The following LIMA1 variants were observed in gnomAD, a reference collection of about 807,000 sequenced individuals.
The protein encoded by LIMA1 is LIM domain and actin binding 1, also known as LIM domain and actin-binding protein 1.
A neutral mutation model predicts 62.6 loss-of-function variants in LIMA1; 52 were observed. The ratio of observed to expected loss-of-function variants is 0.83; its 90% CI spans 0.67 to 1.05. The LOEUF (loss-of-function observed/expected upper bound fraction) is 1.05. Among genes scored for constraint, LIMA1 ranks in the 50% least tolerant of loss-of-function variants. The pLI is 0.00. For synonymous variants in LIMA1, 302 were observed against 317.8 expected (o/e 0.95, Z 0.53); for missense variants, 780 against 902.2 (o/e 0.86, Z 1.74).
intron 2 of LIMA1, among the ~76,000 whole-genome samples, chr12:50,233,129 C>A (rs1455040772): frequency 6.6e-6 from 1 of 152,164 alleles, no homozygotes; most frequent in Non-Finnish European, 1.5e-5. Flanking sequence ...CAACAAGATC[C>A]CCGTGGATAA....
At chr12:50,250,457 T>C (rs1449970054) in intron 1 of LIMA1, among the ~76,000 whole-genome samples, 6 of 148,692 alleles carry the variant, frequency 4.0e-5, no homozygotes, top group African/African-American at 1.2e-4. Context: ...CTGGGCGTGG[T>C]GGCACACACC....
At chr12:50,226,613 G>C (rs1283763096) in intron 3 of LIMA1, among the ~76,000 whole-genome samples, 2 of 152,254 alleles carry the variant, frequency 1.3e-5, no homozygotes, top group African/African-American at 4.8e-5. Flanking sequence ...GGCCGAGGCG[G>C]GCGGATCACA....
At chr12:50,251,086 C>A (rs1941923996) in intron 1 of LIMA1, among the ~76,000 whole-genome samples, 1 of 152,168 alleles carries the variant, frequency 6.6e-6, no homozygotes, top group Admixed American at 6.6e-5. Context: ...ACTCACCAAA[C>A]AATGCCAGCC....
intron 3 of LIMA1, among the ~76,000 whole-genome samples, chr12:50,225,476 G>A (rs953566026): frequency 5.9e-5 from 9 of 151,934 alleles, no homozygotes; most frequent in Non-Finnish European, 8.8e-5. Context: ...AAATCATACT[G>A]TACTTACTGT....
At chr12:50,213,687 T>G (rs547660938) in intron 4 of LIMA1, among the ~76,000 whole-genome samples, 1 of 152,362 alleles carries the variant, frequency 6.6e-6, no homozygotes, top group East Asian at 1.9e-4. Flanking sequence ...GATACACACC[T>G]GTGTTGTCTA....
chr12:50,279,250 C>T (rs1942310613), intron 1 of LIMA1, among the ~76,000 whole-genome samples: 1 of 151,204 alleles, frequency 6.6e-6, no homozygotes, highest in East Asian at 1.9e-4. Flanking sequence ...AAGTGATCAC[C>T]CGCCTCAGCC....
chr12:50,248,656 C>T lies in LIMA1; in HGVS notation c.96G>A (p.Ser32=), dbSNP rs773649764. 19 of 1,611,496 alleles carry T rather than the reference C, an allele frequency of 1.2e-5. No individual in the cohort carries two copies. Among genetic ancestry groups the T allele is most frequent in the South Asian group, 4.4e-5 (4 of 91,008 alleles). Residue 32 remains serine, a synonymous_variant, in exon 2 of 11, where the codon TCG becomes TCA. Coordinates refer to ENST00000341247, the MANE Select transcript of LIMA1 (RefSeq NM_016357.5). The part of the protein sequence containing the change: ...ELSLVNKNKS[S]AIVEIFSKYQ... The stretch of plus-strand genomic sequence containing the variant: ...ACTTGGAGAATATTTCCACAATAGC[C>T]GATGACTTGTTCTTGTTGACAAGAG...
chr12:50,251,966 C>T (rs1941936904), intron 1 of LIMA1, among the ~76,000 whole-genome samples: 1 of 152,230 alleles, frequency 6.6e-6, no homozygotes, highest in Non-Finnish European at 1.5e-5. Context: ...GACTCTGGTA[C>T]CAGGCTATTG....
chr12:50,269,138 C>T (rs1360501904), intron 1 of LIMA1, among the ~76,000 whole-genome samples: 2 of 152,112 alleles, frequency 1.3e-5, no homozygotes, highest in African/African-American at 4.8e-5. Context: ...TAGCACATTG[C>T]TAAAATAAGT....
chr12:50,205,181 G>T (rs1361649828), intron 5 of LIMA1, among the ~76,000 whole-genome samples: 2 of 151,660 alleles, frequency 1.3e-5, no homozygotes, highest in Non-Finnish European at 2.9e-5. Flanking sequence ...GGGCTCAAAT[G>T]ATCCAACCAC....
Position 50,211,011 on chromosome 12 carries a change from CCACT to C in LIMA1, c.631-4947_631-4944del, listed in dbSNP as rs1374442105. 2.6e-5 allele frequency among the ~76,000 whole-genome samples: 4 copies of C among 152,066 alleles called. No individual in the cohort carries two copies. The East Asian group carries it at 7.7e-4, about 29-fold the overall frequency. On this transcript the variant is annotated intron_variant, in intron 4 of 10. Coordinates refer to ENST00000341247, the MANE Select transcript of LIMA1 (RefSeq NM_016357.5). ...ACTTTCAATATATTTCACCTTTAAACCACTCAAACATTAAGAATAACAAGGCTTG... is the reference window on the plus strand; with the variant it reads ...ACTTTCAATATATTTCACCTTTAAACCAAACATTAAGAATAACAAGGCTTG...
At chr12:50,198,486 G>A (rs1343451325) in intron 7 of LIMA1, among the ~76,000 whole-genome samples, 2 of 152,166 alleles carry the variant, frequency 1.3e-5, no homozygotes, top group African/African-American at 4.8e-5. Context: ...CCCAAGAGTT[G>A]GAGGCTACAG....
intron 6 of LIMA1, 95 bp downstream of exon 6, chr12:50,204,457 T>C (rs747669808): frequency 1.2e-5 from 17 of 1,378,812 alleles, no homozygotes; most frequent in Admixed American, 2.5e-5. Context: ...AGGGCTCAGA[T>C]ACAAGGGTCT....
chr12:50,234,841 C>G (rs1941665671), intron 2 of LIMA1, among the ~76,000 whole-genome samples: 1 of 152,106 alleles, frequency 6.6e-6, no homozygotes, highest in African/African-American at 2.4e-5. Flanking sequence ...CAGTAAAACC[C>G]TGTCTCTACG....
intron 2 of LIMA1, among the ~76,000 whole-genome samples, chr12:50,237,205 T>C (rs1188938165): frequency 1.3e-5 from 2 of 152,226 alleles, no homozygotes; most frequent in Admixed American, 1.3e-4. Context: ...GAGAACAACC[T>C]GAATGTCCGT....
Position 50,177,840 on chromosome 12 carries a change from C to G in LIMA1, c.1504G>C (p.Gly502Arg). Residue 502 changes from glycine (G) to arginine (R), a missense_variant, in exon 11 of 11, where the codon GGT becomes CGT. Transcript: ENST00000341247. ...GVEDAPIAKV[G>R]VLAASMEAKA... ...GCTTCCATACTTGCAGCCAGGACAC[C>G]CACCTTAGCAATAGGGGCATCTTCT... 1.2e-6 allele frequency: 2 copies of G among 1,613,144 alleles called. No individual in the cohort carries two copies. The highest frequency in any genetic ancestry group is 1.7e-6 in the Non-Finnish European group (2 of 1,179,542).
chr12:50,241,342 A>G (rs948957045), intron 2 of LIMA1, among the ~76,000 whole-genome samples: 6 of 152,190 alleles, frequency 3.9e-5, no homozygotes, highest in Non-Finnish European at 7.3e-5. Context: ...GCAATAATAC[A>G]ATATATGAAA....
At chr12:50,189,018 G>T (rs1228710702) in intron 9 of LIMA1, 1 of 152,236 alleles carries the variant, frequency 6.6e-6, no homozygotes, top group Admixed American at 6.5e-5. Context: ...TGAGACTCCA[G>T]ATACTGACAA....
chr12:50,277,791 C>T (rs1377528733), intron 1 of LIMA1, among the ~76,000 whole-genome samples: 4 of 152,084 alleles, frequency 2.6e-5, no homozygotes, highest in Non-Finnish European at 4.4e-5. Context: ...CCACAAAACG[C>T]TCCAAATAAA....
Sources: gnomAD v4.1 joint callset for allele counts (sites outside exome capture counted in the v4.1 genomes callset) on GRCh38, gnomAD v4.1.1 for gene constraint, MANE v1.5 for transcripts, NCBI Gene and HGNC (gene_info 2026-07-23, HGNC 2026-07-21) for gene names.